SMG6: variants seen among roughly 807,000 people sequenced by gnomAD.
SMG6 encodes telomerase-binding protein EST1A.
A neutral mutation model predicts 142.2 loss-of-function variants in SMG6; 66 were observed. That is an observed-to-expected ratio of 0.46 (90% CI 0.38 to 0.57). SMG6 has a LOEUF of 0.57. Ranked by LOEUF, SMG6 falls within the 20% of genes least tolerant of loss-of-function variation. The pLI, the probability that SMG6 is intolerant of heterozygous loss-of-function variation, is 0.00. For missense variants in SMG6, 1,793 were observed against 1,832.0 expected (o/e 0.98, Z 0.39); for synonymous variants, 779 against 702.4 (o/e 1.11, Z -1.72).
intron 13 of SMG6, among the ~76,000 whole-genome samples, chr17:2,127,206 G>A (rs574087274): frequency 5.9e-5 from 9 of 151,900 alleles, no homozygotes; most frequent in Admixed American, 3.3e-4. Flanking sequence ...CTTACAATAG[G>A]GAAATGCATA....
At chr17:2,162,249 A>C (rs1002506933) in intron 13 of SMG6, among the ~76,000 whole-genome samples, 3 of 152,134 alleles carry the variant, frequency 2.0e-5, no homozygotes, top group African/African-American at 4.8e-5. Context: ...GAGGTGGCTC[A>C]CGCCTGTAAT....
intron 17 of SMG6, 38 bp downstream of exon 17, chr17:2,065,430 C>G (rs369626680): frequency 1.3e-6 from 2 of 1,585,644 alleles, no homozygotes; most frequent in Non-Finnish European, 1.7e-6. Context: ...GTTCTGGAAG[C>G]TGGCTGTGGG....
At chr17:2,239,951 A>G (rs1282780717) in intron 9 of SMG6, 1 of 152,218 alleles carries the variant, frequency 6.6e-6, no homozygotes, top group African/African-American at 2.4e-5. Context: ...GAGGAAGCAA[A>G]AGCATACTAT....
chr17:2,075,770 C>G (rs560687474), intron 15 of SMG6, among the ~76,000 whole-genome samples: 2 of 152,382 alleles, frequency 1.3e-5, no homozygotes, highest in South Asian at 4.1e-4. Flanking sequence ...GAGGAGCTGT[C>G]TCAGGCAACA....
intron 13 of SMG6, among the ~76,000 whole-genome samples, chr17:2,116,695 C>A (rs929609687): frequency 6.6e-6 from 1 of 152,238 alleles, no homozygotes; most frequent in Middle Eastern, 3.4e-3. Flanking sequence ...TTGCAGTGAG[C>A]TGAGATTGCG....
At chr17:2,078,591 TGA>T (rs2068325011) in intron 15 of SMG6, among the ~76,000 whole-genome samples, 1 of 151,696 alleles carries the variant, frequency 6.6e-6, no homozygotes, top group African/African-American at 2.4e-5. Context: ...AGGCTGGTCT[TGA>T]ACTCCTGACC....
chr17:2,060,499 G>A lies in SMG6; in HGVS notation c.*993C>T, dbSNP rs1268287067. The A allele has an allele frequency of 6.6e-6, 1 of 152,280 alleles. No individual in the cohort carries two copies. Among genetic ancestry groups the A allele is most frequent in the Non-Finnish European group, 1.5e-5 (1 of 68,080 alleles). 9.4% of individuals were successfully genotyped at this position (152,280 alleles called of 1,614,324 possible). On this transcript the variant is annotated 3_prime_UTR_variant, in exon 19 of 19. Coordinates refer to ENST00000263073, the MANE Select transcript of SMG6 (RefSeq NM_017575.5). ...GACCTGTACTAGGTTCCTGCCATGG[G>A]TAGTAGAGAGGGAAAGTTCAGAGTG...
intron 12 of SMG6, among the ~76,000 whole-genome samples, chr17:2,173,462 A>G (rs1370169827): frequency 6.6e-6 from 1 of 152,230 alleles, no homozygotes; most frequent in Non-Finnish European, 1.5e-5. Flanking sequence ...TCCTCACAGG[A>G]AGGTAAAGCC....
intron 13 of SMG6, among the ~76,000 whole-genome samples, chr17:2,092,563 T>C (rs2068754193): frequency 6.6e-6 from 1 of 152,174 alleles, no homozygotes; most frequent in Admixed American, 6.5e-5. Context: ...CTGGTGCTGG[T>C]GGGGAGACTA....
Position 2,060,611 on chromosome 17 carries a change from G to A in SMG6, c.*881C>T, listed in dbSNP as rs567774344. The stretch of plus-strand genomic sequence containing the variant: ...TCAACTAGAAGGGGAAGAAGGGTGA[G>A]GGGCTATTCTGGAGGGAGGGTAGGC... On this transcript the variant is annotated 3_prime_UTR_variant, in exon 19 of 19. Coordinates refer to ENST00000263073, the MANE Select transcript of SMG6 (RefSeq NM_017575.5). The A allele has an allele frequency of 6.6e-6, 1 of 152,452 alleles. No individual in the cohort carries two copies. Among genetic ancestry groups the A allele is most frequent in the Admixed American group, 6.5e-5 (1 of 15,282 alleles). 9.4% of individuals were successfully genotyped at this position (152,452 alleles called of 1,614,324 possible).
chr17:2,108,476 G>A (rs907313363), intron 13 of SMG6, among the ~76,000 whole-genome samples: 1 of 152,082 alleles, frequency 6.6e-6, no homozygotes, highest in Non-Finnish European at 1.5e-5. Context: ...AATTAACCAG[G>A]CCCACGCCTG....
At chr17:2,231,800 A>G (rs1003491023) in intron 10 of SMG6, among the ~76,000 whole-genome samples, 35 of 151,754 alleles carry the variant, frequency 2.3e-4, no homozygotes, top group Admixed American at 2.2e-3. Context: ...AAAGCAGGCA[A>G]TACCAATAGC....
chr17:2,248,302 A>C (rs2073967468), intron 8 of SMG6, among the ~76,000 whole-genome samples: 1 of 152,062 alleles, frequency 6.6e-6, no homozygotes, highest in Non-Finnish European at 1.5e-5. Context: ...AGAACTGGTG[A>C]GCTGATTCAA....
Position 2,300,676 on chromosome 17 carries a change from G to T in SMG6, c.89-12C>A. Reference sequence around the variant, plus strand: ...TTCCTTCATGTTTTCTGTTATGTCGGGGAAAGAGTTTGGGAGGGAAAGGTA... The same window carrying T: ...TTCCTTCATGTTTTCTGTTATGTCGTGGAAAGAGTTTGGGAGGGAAAGGTA... On this transcript the variant is annotated splice_polypyrimidine_tract_variant and intron_variant, in intron 1 of 18. Coordinates refer to ENST00000263073, the MANE Select transcript of SMG6 (RefSeq NM_017575.5). 1 of 1,555,550 alleles carries T rather than the reference G, an allele frequency of 6.4e-7. No individual in the cohort carries two copies. Among genetic ancestry groups the T allele is most frequent in the South Asian group, 1.2e-5 (1 of 81,334 alleles).
intron 10 of SMG6, among the ~76,000 whole-genome samples, chr17:2,196,913 A>G (rs1388725907): frequency 6.6e-6 from 1 of 152,206 alleles, no homozygotes; most frequent in Non-Finnish European, 1.5e-5. Context: ...ATGGTACTGA[A>G]GCAATTAGAC....
intron 6 of SMG6, among the ~76,000 whole-genome samples, chr17:2,288,174 C>A (rs757912516): frequency 1.3e-5 from 2 of 151,798 alleles, no homozygotes; most frequent in Non-Finnish European, 1.5e-5. Context: ...ATTAGCCAGG[C>A]GTGGTGGTAT....
chr17:2,215,212 A>AACAC lies in SMG6; in HGVS notation c.2869+21276_2869+21279dup, dbSNP rs148183711. Among the ~76,000 whole-genome samples, 107 of 151,096 alleles carry AACAC rather than the reference A, an allele frequency of 7.1e-4. 1 individual carries two copies. The highest frequency in any genetic ancestry group is 2.1e-3 in the African/African-American group (88 of 41,104). ...CAAAGGCACTTGTGCGTACATTATA[A>AACAC]ACACACACACACGCGCGCGCACACA... On this transcript the variant is annotated intron_variant, in intron 10 of 18. Transcript: ENST00000263073.
chr17:2,197,240 G>A (rs573860775), intron 10 of SMG6, among the ~76,000 whole-genome samples: 6 of 152,240 alleles, frequency 3.9e-5, no homozygotes, highest in African/African-American at 4.8e-5. Context: ...CATATCTGCC[G>A]AAGAACTAGT....
In SMG6 at chr17:2,071,911, T is replaced by A. The variant is rs896715445; in HGVS notation, c.3682-2980A>T. The A allele has an allele frequency of 1.3e-5, 2 of 152,286 alleles. No homozygotes were observed. The highest frequency in any genetic ancestry group is 2.9e-5 in the Non-Finnish European group (2 of 68,188). 9.4% of individuals were successfully genotyped at this position (152,286 alleles called of 1,614,324 possible). A position where few individuals can be genotyped will look rare whatever the true frequency, so the allele number is the denominator to read the frequency against. ...GTTTAGCATCTGCCCTCCCAACTTT[T>A]CCAGATTTTACCCGTCAGATTCCTG... On this transcript the variant is annotated intron_variant, in intron 15 of 18. Coordinates refer to ENST00000263073, the MANE Select transcript of SMG6 (RefSeq NM_017575.5). This position sits in a 1 kb window ranked among gnomAD's most constrained non-coding sequence, Gnocchi z 5.6.
Sources: gnomAD v4.1 joint callset for allele counts (sites outside exome capture counted in the v4.1 genomes callset) on GRCh38, gnomAD v4.1.1 for gene constraint, Gnocchi (gnomAD v3.1) non-coding constraint, MANE v1.5 for transcripts, NCBI Gene and HGNC (gene_info 2026-07-23, HGNC 2026-07-21) for gene names.